Variants in CD4 observed in about 807,000 individuals in gnomAD.
CD4 encodes the protein T-cell surface glycoprotein CD4.
A neutral mutation model predicts 50.5 loss-of-function variants in CD4; 25 were observed. That is an observed-to-expected ratio of 0.49 (90% CI 0.36 to 0.69). The LOEUF (loss-of-function observed/expected upper bound fraction) is 0.69, where lower values mean the gene tolerates loss of function less well. CD4 is among the 30% of genes least tolerant of loss of function. The pLI is 0.00. For missense variants in CD4, 456 were observed against 548.5 expected (o/e 0.83, Z 1.68); for synonymous variants, 207 against 221.9 (o/e 0.93, Z 0.60).
chr12:6,817,743 GCA>G (rs1591565868), intron 7 of CD4, among the ~76,000 whole-genome samples: 1 of 131,096 alleles, frequency 7.6e-6, no homozygotes, highest in Admixed American at 7.4e-5. Context: ...TCACACACTC[GCA>G]CACACTCATA....
At chr12:6,815,108 G>A in intron 5 of CD4, 116 bp downstream of exon 5, 5 of 733,488 alleles carry the variant, frequency 6.8e-6, no homozygotes, top group East Asian at 2.7e-5. Context: ...GAGTGGAGAA[G>A]ACTAGGTCCC....
Position 6,814,549 on chromosome 12 carries a change from A to G in CD4, c.374-210A>G, listed in dbSNP as rs28917502. ...GGAGGCAAGGGAAGGAGGGAGAGAG[A>G]CTGGGGAAGAGAGGATGAGGGGAGA... On this transcript the variant is annotated intron_variant, in intron 4 of 9. Coordinates refer to ENST00000011653, the MANE Select transcript of CD4 (RefSeq NM_000616.5). 1.0e-3 allele frequency: 687 copies of G among 663,048 alleles called. 3 individuals are homozygous for G. In the African/African-American group the frequency reaches 0.011, roughly 10 times the overall value. The allele number at this position is 663,048 out of a possible 1,614,324, so 41.1% of individuals were successfully genotyped here. A position where few individuals can be genotyped will look rare whatever the true frequency, so the allele number is the denominator to read the frequency against.
At chr12:6,794,090 T>C (rs573401338) in intron 1 of CD4, among the ~76,000 whole-genome samples, 1 of 151,978 alleles carries the variant, frequency 6.6e-6, no homozygotes, top group African/African-American at 2.4e-5. Context: ...TTTTTTTTTT[T>C]TTGAGACAGA....
chr12:6,812,643 C>T (rs1942969949), intron 3 of CD4, among the ~76,000 whole-genome samples: 1 of 151,744 alleles, frequency 6.6e-6, no homozygotes, highest in Non-Finnish European at 1.5e-5. Flanking sequence ...CATGCCATTG[C>T]ACTCCAACCT....
intron 1 of CD4, among the ~76,000 whole-genome samples, chr12:6,793,773 C>T (rs1429870357): frequency 6.8e-6 from 1 of 148,050 alleles, no homozygotes; most frequent in Admixed American, 6.8e-5. Flanking sequence ...ACAAGTAATC[C>T]CAAGTAGCTG....
In CD4 at chr12:6,818,300, T is replaced by C; in HGVS notation, c.1157-121T>C. On this transcript the variant is annotated intron_variant, in intron 7 of 9. Coordinates refer to ENST00000011653, the MANE Select transcript of CD4 (RefSeq NM_000616.5). This position sits in a 1 kb window ranked among gnomAD's most constrained non-coding sequence, Gnocchi z 5.0. ...GCCTTTGAGAGCCCCCAGGCACCCCTCCCCTCTCCCCCAACCCCAGGGTCA... is the reference window on the plus strand; with the variant it reads ...GCCTTTGAGAGCCCCCAGGCACCCCCCCCCTCTCCCCCAACCCCAGGGTCA... 9.5e-7 allele frequency: 1 copy of C among 1,054,968 alleles called. No individual in the cohort carries two copies. The highest frequency in any genetic ancestry group is 2.1e-5 in the Admixed American group (1 of 48,356). The allele number at this position is 1,054,968 out of a possible 1,614,324, so 65.4% of individuals were successfully genotyped here. A position where few individuals can be genotyped will look rare whatever the true frequency, so the allele number is the denominator to read the frequency against.
intron 3 of CD4, among the ~76,000 whole-genome samples, chr12:6,807,399 A>G (rs1300234516): frequency 6.6e-6 from 1 of 152,254 alleles, no homozygotes; most frequent in African/African-American, 2.4e-5. Context: ...AGGATGAATC[A>G]TAGTACACAC....
At chr12:6,793,954 C>T (rs1942272445) in intron 1 of CD4, among the ~76,000 whole-genome samples, 4 of 94,952 alleles carry the variant, frequency 4.2e-5, no homozygotes, top group Admixed American at 2.4e-4. Flanking sequence ...ACACGACACC[C>T]GGCTTCTATC....
At chr12:6,814,614 A>G (rs1221056447) in intron 4 of CD4, 145 bp from the exon 5 acceptor site, 6 of 757,008 alleles carry the variant, frequency 7.9e-6, no homozygotes, top group African/African-American at 3.5e-5. Flanking sequence ...GGGAAACCCT[A>G]TCTTGGCTGG....
At chr12:6,807,531 A>G (rs1555116367) in intron 3 of CD4, among the ~76,000 whole-genome samples, 1 of 152,176 alleles carries the variant, frequency 6.6e-6, no homozygotes, top group Non-Finnish European at 1.5e-5. Flanking sequence ...AGAAATGGAG[A>G]ACAGATGAGT....
At chr12:6,812,187 G>T (rs1249273348) in intron 3 of CD4, among the ~76,000 whole-genome samples, 4 of 152,018 alleles carry the variant, frequency 2.6e-5, no homozygotes, top group Non-Finnish European at 5.9e-5. Context: ...GTTGCTTGAG[G>T]TCAGGAGTTC....
At chr12:6,794,611 A>T (rs1942308283) in intron 1 of CD4, among the ~76,000 whole-genome samples, 1 of 151,966 alleles carries the variant, frequency 6.6e-6, no homozygotes, top group Admixed American at 6.6e-5. Flanking sequence ...ACCTCAGGTG[A>T]TCCACTTGCC....
intron 3 of CD4, among the ~76,000 whole-genome samples, chr12:6,802,533 C>T (rs782345527): frequency 7.9e-5 from 12 of 152,030 alleles, no homozygotes; most frequent in Non-Finnish European, 1.5e-4. Flanking sequence ...GTCTTGAATT[C>T]CTAGGCTCAA....
intron 3 of CD4, 26 bp from the exon 4 acceptor site, chr12:6,814,116 C>G: frequency 6.2e-7 from 1 of 1,606,364 alleles, no homozygotes; most frequent in Non-Finnish European, 8.5e-7. Flanking sequence ...CGCCTCAGTC[C>G]CCCCCCATAT....
Position 6,817,250 on chromosome 12 carries a change from G to A in CD4, c.1076G>A (p.Trp359Ter). ...GTCTCGAAGCGGGAGAAGGCGGTGT[G>A]GGTGCTGAACCCTGAGGCGGGGATG... Reference protein sequence around the residue: ...AKVSKREKAVWVLNPEAGMWQ... With the variant: ...AKVSKREKAV The change falls in exon 7 of 10, where the codon TGG becomes TAG. Residue 359 changes from tryptophan to a stop codon, truncating the protein, a stop_gained. Transcript: ENST00000011653. LOFTEE classifies it high-confidence loss of function. 6.2e-7 allele frequency: 1 copy of A among 1,608,032 alleles called. No individual in the cohort carries two copies. Among genetic ancestry groups the A allele is most frequent in the Admixed American group, 1.7e-5 (1 of 58,938 alleles).
Position 6,814,964 on chromosome 12 carries a change from G to A in CD4, c.579G>A (p.Val193=). 3.7e-6 allele frequency: 6 copies of A among 1,613,292 alleles called. No homozygotes were observed. The highest frequency in any genetic ancestry group is 3.3e-4 in the Middle Eastern group (2 of 6,030). ...CTGTCTTGCAGAACCAGAAGAAGGTGGAGTTCAAAATAGACATCGTGGTGC... is the reference window on the plus strand; with the variant it reads ...CTGTCTTGCAGAACCAGAAGAAGGTAGAGTTCAAAATAGACATCGTGGTGC... ...TCTVLQNQKK[V]EFKIDIVVLA... is the part of the protein sequence containing the mutation. Residue 193 remains valine (V), a synonymous_variant, in exon 5 of 10, where the codon GTG becomes GTA. Transcript: ENST00000011653.
At chr12:6,807,072 C>T (rs1555116296) in intron 3 of CD4, among the ~76,000 whole-genome samples, 1 of 152,026 alleles carries the variant, frequency 6.6e-6, no homozygotes, top group Non-Finnish European at 1.5e-5. Flanking sequence ...GAGGCTGAGG[C>T]AGGAGAATGG....
At chr12:6,815,455 C>A (rs999898003) in intron 5 of CD4, among the ~76,000 whole-genome samples, 4 of 152,092 alleles carry the variant, frequency 2.6e-5, no homozygotes, top group Non-Finnish European at 5.9e-5. Context: ...AGATCCTGTC[C>A]CCTGGGTGCT....
chr12:6,814,602 G>A, intron 4 of CD4, 157 bp from the exon 5 acceptor site: 1 of 734,860 alleles, frequency 1.4e-6, no homozygotes, highest in Non-Finnish European at 2.4e-6. Flanking sequence ...GAGGAGGGGA[G>A]AGGGAAACCC....
Sources: allele counts gnomAD v4.1 joint callset (sites outside exome capture counted in the v4.1 genomes callset), GRCh38; gene constraint gnomAD v4.1.1; non-coding constraint Gnocchi (gnomAD v3.1); transcripts MANE v1.5; gene names NCBI Gene and HGNC (gene_info 2026-07-23, HGNC 2026-07-21).